The following VPS54 variants were observed in gnomAD, a reference collection of about 807,000 sequenced individuals.
The protein encoded by VPS54 is vacuolar protein sorting-associated protein 54.
Under a neutral mutation model 121.5 loss-of-function variants are expected in VPS54, and 45 were observed. The ratio of observed to expected loss-of-function variants is 0.37; its 90% CI spans 0.29 to 0.47. The LOEUF (loss-of-function observed/expected upper bound fraction) is 0.47. VPS54 is among the 20% of genes least tolerant of loss of function. VPS54 has a pLI of 0.99. For synonymous variants in VPS54, 371 were observed against 385.8 expected (o/e 0.96, Z 0.45); for missense variants, 1,090 against 1,131.4 (o/e 0.96, Z 0.52).
At chr2:63,934,837 G>T (rs939234087) in intron 11 of VPS54, among the ~76,000 whole-genome samples, 6 of 152,122 alleles carry the variant, frequency 3.9e-5, no homozygotes, top group Admixed American at 3.9e-4. Flanking sequence ...TGAAAGCTAG[G>T]CAAATGAAGA....
At chr2:64,017,648 T>A (rs940447077) in intron 1 of VPS54, among the ~76,000 whole-genome samples, 2 of 152,266 alleles carry the variant, frequency 1.3e-5, no homozygotes, top group Non-Finnish European at 2.9e-5. Context: ...TTGGTTGTGA[T>A]GCATTCTTTA....
At chr2:63,994,364 G>T (rs147032027) in intron 1 of VPS54, among the ~76,000 whole-genome samples, 1,871 of 152,010 alleles carry the variant, frequency 0.012, 17 homozygotes, top group Non-Finnish European at 0.015. Flanking sequence ...CTGATTTACC[G>T]GCTACACAAA....
chr2:63,987,585 G>A (rs1461915684), intron 1 of VPS54, among the ~76,000 whole-genome samples: 1 of 152,002 alleles, frequency 6.6e-6, no homozygotes, highest in Non-Finnish European at 1.5e-5. Context: ...ATTTTGATAG[G>A]GAATACACTG....
intron 1 of VPS54, among the ~76,000 whole-genome samples, chr2:63,993,754 G>A (rs920387418): frequency 5.9e-5 from 9 of 152,110 alleles, no homozygotes; most frequent in African/African-American, 2.2e-4. Flanking sequence ...TTATAAAAAT[G>A]ACTTCTTGGG....
intron 15 of VPS54, among the ~76,000 whole-genome samples, chr2:63,919,400 T>G (rs4671537): frequency 0.2 from 30,432 of 152,014 alleles, 3,463 homozygotes; most frequent in Non-Finnish European, 0.24. Context: ...ATACAGCTGT[T>G]ATCTCTGTCT....
At chr2:63,903,779 C>T (rs1672787217) in intron 20 of VPS54, among the ~76,000 whole-genome samples, 1 of 151,956 alleles carries the variant, frequency 6.6e-6, no homozygotes, top group Admixed American at 6.6e-5. Flanking sequence ...AGTACACCAA[C>T]TTTAAAGATT....
intron 1 of VPS54, among the ~76,000 whole-genome samples, chr2:64,007,289 G>A (rs1001404053): frequency 1.3e-5 from 2 of 152,180 alleles, no homozygotes; most frequent in African/African-American, 4.8e-5. Flanking sequence ...CCGTGGGAGA[G>A]AAGACAGACG....
intron 11 of VPS54, among the ~76,000 whole-genome samples, chr2:63,936,227 A>G (rs1337218068): frequency 6.6e-6 from 1 of 151,520 alleles, no homozygotes; most frequent in Middle Eastern, 3.4e-3. Flanking sequence ...CAGGTATTCT[A>G]GGGATTCTTC....
intron 1 of VPS54, among the ~76,000 whole-genome samples, chr2:64,014,906 T>A (rs1315524545): frequency 2.0e-5 from 3 of 152,156 alleles, no homozygotes; most frequent in Non-Finnish European, 4.4e-5. Flanking sequence ...CCTTCTTTCA[T>A]CAACAAATTA....
chr2:63,951,284 A>G (rs1016037347), intron 7 of VPS54, among the ~76,000 whole-genome samples: 6 of 151,276 alleles, frequency 4.0e-5, no homozygotes, highest in Admixed American at 3.3e-4. Context: ...AAGGAATTAA[A>G]CTTTTTACTG....
chr2:63,965,876 C>T lies in VPS54; in HGVS notation c.583G>A (p.Gly195Arg). 1 of 1,612,648 alleles carries T rather than the reference C, an allele frequency of 6.2e-7. No homozygotes were observed. Among genetic ancestry groups the T allele is most frequent in the Non-Finnish European group, 8.5e-7 (1 of 1,179,608 alleles). Residue 195 changes from glycine (G) to arginine (R), a missense_variant, in exon 6 of 23, where the codon GGA becomes AGA. Coordinates refer to ENST00000272322, the MANE Select transcript of VPS54 (RefSeq NM_016516.3). ...WSHFNTAGGK[G>R]NRDAASSKLL... ...TTTGAGGAAGCTGCATCACGATTTC[C>T]TTTTCCACCAGCAGTATTAAAATGA...
At chr2:63,966,585 T>C (rs1360666464) in intron 5 of VPS54, among the ~76,000 whole-genome samples, 1 of 152,190 alleles carries the variant, frequency 6.6e-6, no homozygotes, top group Non-Finnish European at 1.5e-5. Context: ...TTTACTGATA[T>C]CCTTCCCTAA....
At chr2:63,969,603 A>G (rs1676168067) in intron 4 of VPS54, among the ~76,000 whole-genome samples, 1 of 152,172 alleles carries the variant, frequency 6.6e-6, no homozygotes, top group Non-Finnish European at 1.5e-5. Flanking sequence ...CTGACTCTCC[A>G]TTATGATGAA....
At chr2:63,904,266 G>A (rs6759483) in intron 20 of VPS54, among the ~76,000 whole-genome samples, 12 of 151,204 alleles carry the variant, frequency 7.9e-5, no homozygotes, top group African/African-American at 2.4e-4. Flanking sequence ...TGGTGAAACC[G>A]CACATCTACT....
At chr2:63,914,026 C>G in intron 17 of VPS54, 156 bp downstream of exon 17, 1 of 1,047,124 alleles carries the variant, frequency 9.5e-7, no homozygotes, top group East Asian at 2.7e-5. Flanking sequence ...CAGCCTGTTT[C>G]CAATAACATG....
intron 7 of VPS54, among the ~76,000 whole-genome samples, chr2:63,959,901 A>G (rs1322926120): frequency 6.6e-6 from 1 of 152,050 alleles, no homozygotes; most frequent in African/African-American, 2.4e-5. Context: ...GGCACCTGTA[A>G]TCCCAGCTAC....
At chr2:63,982,756 A>G (rs1676857262) in intron 2 of VPS54, among the ~76,000 whole-genome samples, 1 of 152,228 alleles carries the variant, frequency 6.6e-6, no homozygotes, top group Non-Finnish European at 1.5e-5. Flanking sequence ...CAAAATCACC[A>G]ACAAAAAGCT....
intron 1 of VPS54, among the ~76,000 whole-genome samples, chr2:64,013,604 CATATGAT>C (rs1321347831): frequency 7.1e-6 from 1 of 140,716 alleles, no homozygotes; most frequent in African/African-American, 2.7e-5. Flanking sequence ...CAATATATAT[CATATGAT>C]ATATATCAGC....
intron 1 of VPS54, among the ~76,000 whole-genome samples, chr2:63,992,657 G>T (rs1030810320): frequency 6.6e-6 from 1 of 152,190 alleles, no homozygotes; most frequent in Admixed American, 6.5e-5. Context: ...TTTCCCGCTG[G>T]AATTCTCCTG....
Sources: gnomAD v4.1 joint callset for allele counts (sites outside exome capture counted in the v4.1 genomes callset) on GRCh38, gnomAD v4.1.1 for gene constraint, MANE v1.5 for transcripts, NCBI Gene and HGNC (gene_info 2026-07-23, HGNC 2026-07-21) for gene names.